The following CCDC172 variants were observed in gnomAD, a reference collection of about 807,000 sequenced individuals.
The protein encoded by CCDC172 is coiled-coil domain containing 172, also known as coiled-coil domain-containing protein 172.
CCDC172 carries 30 observed loss-of-function variants against 38.0 expected under a neutral mutation model. That is an observed-to-expected ratio of 0.79 (90% confidence interval 0.59 to 1.07). CCDC172 has a LOEUF of 1.07. Among genes scored for constraint, CCDC172 ranks in the 50% least tolerant of loss-of-function variants. The pLI is 0.00. For missense variants in CCDC172, 297 were observed against 290.1 expected, an observed-to-expected ratio of 1.02 and a Z score of -0.17; for synonymous variants, 78 against 88.3, an observed-to-expected ratio of 0.88 and a Z score of 0.66.
In CCDC172 at chr10:116,325,262, TAGAA is replaced by T. The variant is rs757271821; in HGVS notation, c.80-37_80-34del. On this transcript the variant is annotated intron_variant, in intron 2 of 8. Coordinates refer to ENST00000333254, the MANE Select transcript of CCDC172 (RefSeq NM_198515.3). ...TCAAACGCCACCAAAATGGGGACTT[TAGAA>T]AGATTGATGTGTTTAAAGATTTAAT... 15 of 1,576,804 alleles carry T rather than the reference TAGAA, an allele frequency of 9.5e-6. No individual in the cohort carries two copies. In the African/African-American group the frequency reaches 1.1e-4, roughly 11 times the overall value.
chr10:116,342,299 T>C, intron 5 of CCDC172, 98 bp downstream of exon 5: 1 of 978,712 alleles, frequency 1.0e-6, no homozygotes. Context: ...ATGAGCAAAT[T>C]GGGTTATTGC....
chr10:116,340,049 T>C (rs1002414858), intron 3 of CCDC172, among the ~76,000 whole-genome samples: 2 of 151,976 alleles, frequency 1.3e-5, no homozygotes, highest in Non-Finnish European at 2.9e-5. Flanking sequence ...TTTTTAGCTT[T>C]CATATATTAA....
At chr10:116,340,647 T>C in intron 3 of CCDC172, 87 bp from the exon 4 acceptor site, 1 of 663,322 alleles carries the variant, frequency 1.5e-6, no homozygotes, top group Non-Finnish European at 2.7e-6. Flanking sequence ...ATATATTTTA[T>C]ACTAGACAAA....
chr10:116,337,315 G>A (rs776861566), intron 3 of CCDC172, among the ~76,000 whole-genome samples: 6 of 151,906 alleles, frequency 3.9e-5, no homozygotes, highest in Non-Finnish European at 8.8e-5. Context: ...ACCACACCTG[G>A]CTGATTCTTG....
rs749079391 is a variant in CCDC172 at position 116,357,400 on chromosome 10, G to A, written c.469G>A (p.Asp157Asn). ...LKSEMKSMEH[D>N]SSQLNELQKQ... ...TCTAGAAATGAAGTCAATGGAACAT[G>A]ATAGTAGCCAGTTAAATGAACTTCA... Residue 157 changes from aspartate to asparagine, a missense_variant, in exon 6 of 9, where the codon GAT (aspartate) becomes AAT (asparagine). Transcript: ENST00000333254. The A allele has an allele frequency of 6.4e-7, 1 of 1,572,038 alleles. No homozygotes were observed. Among genetic ancestry groups the A allele is most frequent in the Non-Finnish European group, 8.6e-7 (1 of 1,162,646 alleles).
At chr10:116,369,930 A>G (rs1589959491) in intron 7 of CCDC172, among the ~76,000 whole-genome samples, 1 of 151,934 alleles carries the variant, frequency 6.6e-6, no homozygotes, top group East Asian at 1.9e-4. Context: ...ATTCATGTGT[A>G]GTATATTTGC....
chr10:116,377,571 AACTT>A lies in CCDC172; in HGVS notation c.654-850_654-847del, dbSNP rs1159810982. Among the ~76,000 whole-genome samples, 4 of 152,292 alleles carry A rather than the reference AACTT, an allele frequency of 2.6e-5. No homozygotes were observed. In the East Asian group the frequency reaches 5.8e-4, roughly 22 times the overall value. ...TGTTAAAAAATTCAAAATATTCAAA[AACTT>A]AAAGACTTAATTGGGGAAAAGAAAC... On this transcript the variant is annotated intron_variant, in intron 7 of 8. Coordinates refer to ENST00000333254, the MANE Select transcript of CCDC172 (RefSeq NM_198515.3).
At chr10:116,326,081 C>G (rs1338460356) in intron 3 of CCDC172, among the ~76,000 whole-genome samples, 1 of 152,074 alleles carries the variant, frequency 6.6e-6, no homozygotes, top group Non-Finnish European at 1.5e-5. Flanking sequence ...AGCAGAAAAC[C>G]GTTGCAAGTT....
intron 7 of CCDC172, among the ~76,000 whole-genome samples, chr10:116,373,515 AT>A (rs1451880666): frequency 6.6e-6 from 1 of 152,020 alleles, no homozygotes; most frequent in African/African-American, 2.4e-5. Context: ...TTTTATTTTT[AT>A]TTTTTTGAGA....
Position 116,378,106 on chromosome 10 carries a change from A to G in CCDC172, c.654-317A>G, listed in dbSNP as rs372196087. Among the ~76,000 whole-genome samples, 27 of 150,936 alleles carry G rather than the reference A, an allele frequency of 1.8e-4. No homozygotes were observed. The East Asian group carries it at 5.1e-3, about 29-fold the overall frequency. The stretch of plus-strand genomic sequence containing the variant: ...TGAGGCAGGAGAATCGCTTGAACCC[A>G]GGAAGCAGAGGTTGCAGTGAGCCGA... On this transcript the variant is annotated intron_variant, in intron 7 of 8. Coordinates refer to ENST00000333254, the MANE Select transcript of CCDC172 (RefSeq NM_198515.3).
chr10:116,378,448 A>G lies in CCDC172; in HGVS notation c.679A>G (p.Lys227Glu), dbSNP rs775253856. The change falls in exon 8 of 9, where the codon AAG (lysine) becomes GAG (glutamate). Residue 227 changes from lysine to glutamate, a missense_variant. Transcript: ENST00000333254. Reference sequence around the variant, plus strand: ...ACTTAAAAAAGAATTAGAACTTTATAAGGAAGATGACATGGAAAGTGTTTA... The same window carrying G: ...ACTTAAAAAAGAATTAGAACTTTATGAGGAAGATGACATGGAAAGTGTTTA... ...LRLKKELELY[K>E]EDDMESVYEA... is the part of the protein sequence containing the mutation. 6.2e-7 allele frequency: 1 copy of G among 1,600,484 alleles called. No individual in the cohort carries two copies. Among genetic ancestry groups the G allele is most frequent in the Non-Finnish European group, 8.5e-7 (1 of 1,175,314 alleles).
intron 3 of CCDC172, among the ~76,000 whole-genome samples, chr10:116,330,697 TGA>T (rs1316440422): frequency 3.9e-5 from 6 of 152,170 alleles, no homozygotes; most frequent in Non-Finnish European, 5.9e-5. Flanking sequence ...GAAGCAGATA[TGA>T]GAGTCCAGCT....
rs553470520 is a variant in CCDC172, at chr10:116,373,889, T to TA, written c.654-4527dup. Among the ~76,000 whole-genome samples the TA allele has an allele frequency of 1.7e-4, 26 of 152,298 alleles. No individual in the cohort carries two copies. In the East Asian group the frequency reaches 5.0e-3, roughly 29 times the overall value. On this transcript the variant is annotated intron_variant, in intron 7 of 8. Coordinates refer to ENST00000333254, the MANE Select transcript of CCDC172 (RefSeq NM_198515.3). The stretch of plus-strand genomic sequence containing the variant: ...AACCCATATGCAAGCATTACAACTT[T>TA]AAAAAAATACAGTAGTCCCCCTTAT...
At chr10:116,368,731 C>G (rs1845153366) in intron 7 of CCDC172, among the ~76,000 whole-genome samples, 1 of 151,884 alleles carries the variant, frequency 6.6e-6, no homozygotes, top group African/African-American at 2.4e-5. Context: ...GACCACAGTA[C>G]TAGATGTGCT....
intron 3 of CCDC172, among the ~76,000 whole-genome samples, chr10:116,327,261 A>G (rs1201865331): frequency 6.6e-6 from 1 of 152,172 alleles, no homozygotes; most frequent in Non-Finnish European, 1.5e-5. Context: ...AGCATATTTT[A>G]TTAAAGCAGA....
intron 7 of CCDC172, among the ~76,000 whole-genome samples, chr10:116,371,855 A>G (rs934452746): frequency 6.6e-6 from 1 of 152,084 alleles, no homozygotes; most frequent in Admixed American, 6.5e-5. Context: ...TCTCTCCCCA[A>G]AAGATAAGAG....
At chr10:116,325,599 T>C (rs1414187441) in intron 3 of CCDC172, among the ~76,000 whole-genome samples, 1 of 152,192 alleles carries the variant, frequency 6.6e-6, no homozygotes, top group African/African-American at 2.4e-5. Flanking sequence ...CTAAATAAAC[T>C]AAGGTAATGA....
intron 3 of CCDC172, among the ~76,000 whole-genome samples, chr10:116,329,919 A>G (rs577139240): frequency 2.0e-5 from 3 of 152,208 alleles, no homozygotes; most frequent in Non-Finnish European, 4.4e-5. Flanking sequence ...TTCATTTTCA[A>G]TATTGTGTAC....
chr10:116,337,569 G>A (rs1844746735), intron 3 of CCDC172, among the ~76,000 whole-genome samples: 1 of 152,082 alleles, frequency 6.6e-6, no homozygotes, highest in South Asian at 2.1e-4. Context: ...TCTTCATATT[G>A]TCTGTATTCT....
Sources: gnomAD v4.1 joint callset for allele counts (sites outside exome capture counted in the v4.1 genomes callset) on GRCh38, gnomAD v4.1.1 for gene constraint, MANE v1.5 for transcripts, NCBI Gene and HGNC (gene_info 2026-07-23, HGNC 2026-07-21) for gene names.